Variants in PRKCA observed in about 807,000 individuals in gnomAD.
PRKCA encodes protein kinase C alpha.
Under a neutral mutation model 87.0 loss-of-function variants are expected in PRKCA, and 27 were observed. The ratio of observed to expected loss-of-function variants is 0.31; its 90% CI spans 0.23 to 0.43. The LOEUF is 0.43. PRKCA is among the 20% of genes least tolerant of loss of function. The pLI, the probability that PRKCA is intolerant of heterozygous loss-of-function variation, is 1.00. For missense variants in PRKCA, 518 were observed against 852.3 expected, an observed-to-expected ratio of 0.61 and a Z score of 4.88; for synonymous variants, 329 against 311.1, an observed-to-expected ratio of 1.06 and a Z score of -0.61.
intron 16 of PRKCA, 146 bp downstream of exon 16, chr17:66,789,125 C>T (rs1046927734): frequency 3.0e-6 from 3 of 1,015,520 alleles, no homozygotes; most frequent in African/African-American, 1.6e-5. Flanking sequence ...GCCTTGTCCT[C>T]AGTCCTGTGG....
At chr17:66,377,719 ATAT>A (rs1377010859) in intron 2 of PRKCA, among the ~76,000 whole-genome samples, 543 of 37,154 alleles carry the variant, frequency 0.015, 3 homozygotes, top group African/African-American at 0.031. Context: ...ATATATATAT[ATAT>A]TTTTTTTTTT....
chr17:66,675,722 C>T (rs1467324899), intron 5 of PRKCA, among the ~76,000 whole-genome samples: 5 of 152,182 alleles, frequency 3.3e-5, no homozygotes, highest in African/African-American at 4.8e-5. Context: ...AGGAGTGACA[C>T]TTGGGAGCTA....
intron 3 of PRKCA, among the ~76,000 whole-genome samples, chr17:66,618,765 G>A (rs1200201408): frequency 1.3e-5 from 2 of 152,156 alleles, no homozygotes; most frequent in Non-Finnish European, 2.9e-5. Flanking sequence ...ATTCTGCAGG[G>A]TTAGGCTGGG....
intron 3 of PRKCA, among the ~76,000 whole-genome samples, chr17:66,589,793 A>G (rs1969740485): frequency 6.6e-6 from 1 of 152,136 alleles, no homozygotes; most frequent in Non-Finnish European, 1.5e-5. Flanking sequence ...GCAGTCTTCA[A>G]CCTTTTTGGT....
At chr17:66,422,142 A>G (rs1912531312) in intron 2 of PRKCA, among the ~76,000 whole-genome samples, 1 of 152,076 alleles carries the variant, frequency 6.6e-6, no homozygotes, top group African/African-American at 2.4e-5. Context: ...GCCCACCTTA[A>G]TGACCTCATA....
At chr17:66,621,914 A>G (rs1970692949) in intron 3 of PRKCA, among the ~76,000 whole-genome samples, 1 of 152,230 alleles carries the variant, frequency 6.6e-6, no homozygotes, top group Admixed American at 6.5e-5. Flanking sequence ...TTTAAAAATA[A>G]GTTGAGGCTG....
chr17:66,696,408 G>A (rs575035208), intron 8 of PRKCA: 6 of 152,302 alleles, frequency 3.9e-5, no homozygotes, highest in African/African-American at 1.4e-4. Flanking sequence ...TCTGACCTTT[G>A]TTTTCCTTGT....
rs7209033 is a variant in PRKCA, at chr17:66,381,175, C to T, written c.205+75048C>T. ...TGGGCTGGTCTCAAACTCTTGGCCT[C>T]AAGCAGTCCCCCTGCCTCGGCCTCC... is the stretch of plus-strand genomic sequence containing the variant. On this transcript the variant is annotated intron_variant, in intron 2 of 16. Coordinates refer to ENST00000413366, the MANE Select transcript of PRKCA (RefSeq NM_002737.3). Among the ~76,000 whole-genome samples the T allele has an allele frequency of 7.0e-3, 1,068 of 152,204 alleles. 19 individuals are homozygous for T. The highest frequency in any genetic ancestry group is 0.025 in the African/African-American group (1,026 of 41,498).
rs370040105 is a variant in PRKCA at position 66,691,467 on chromosome 17, T to C, written c.918+2420T>C. Reference sequence around the variant, plus strand: ...GGTTTGGGGCAGGTTCAAATGTCTATGCCAGGCATAGCTCCTTTTCAATTT... The same window carrying C: ...GGTTTGGGGCAGGTTCAAATGTCTACGCCAGGCATAGCTCCTTTTCAATTT... On this transcript the variant is annotated intron_variant, in intron 8 of 16. Coordinates refer to ENST00000413366, the MANE Select transcript of PRKCA (RefSeq NM_002737.3). Among the ~76,000 whole-genome samples the C allele has an allele frequency of 5.3e-5, 8 of 152,202 alleles. No homozygotes were observed. In the East Asian group the frequency reaches 5.8e-4, roughly 11 times the overall value.
chr17:66,671,542 T>TA (rs1972184150), intron 5 of PRKCA, among the ~76,000 whole-genome samples: 1 of 152,156 alleles, frequency 6.6e-6, no homozygotes, highest in Non-Finnish European at 1.5e-5. Context: ...GAGGATAAGG[T>TA]AACAGATTAA....
At position 66,585,434 on chromosome 17, in the gene PRKCA, C is replaced by T. The variant is rs377619803; in HGVS notation, c.289-55921C>T. On this transcript the variant is annotated intron_variant, in intron 3 of 16. Coordinates refer to ENST00000413366, the MANE Select transcript of PRKCA (RefSeq NM_002737.3). The stretch of plus-strand genomic sequence containing the variant: ...TAGAAAAGAAATGATCTGGGGGCTG[C>T]TTTTTGTTAAAACAGAAACCTTGCT... Among the ~76,000 whole-genome samples the T allele has an allele frequency of 6.8e-4, 103 of 152,322 alleles. 1 individual carries two copies. The highest frequency in any genetic ancestry group is 2.4e-3 in the African/African-American group (101 of 41,586).
intron 3 of PRKCA, among the ~76,000 whole-genome samples, chr17:66,637,960 G>A (rs1223489606): frequency 6.6e-6 from 1 of 152,094 alleles, no homozygotes; most frequent in African/African-American, 2.4e-5. Flanking sequence ...GACCCAAATA[G>A]TAAATATTTT....
chr17:66,797,462 CG>C (rs1314572224), intron 16 of PRKCA, among the ~76,000 whole-genome samples: 1 of 152,202 alleles, frequency 6.6e-6, no homozygotes, highest in African/African-American at 2.4e-5. Flanking sequence ...AACGTTCCTT[CG>C]TCCCTCAGAG....
chr17:66,360,039 A>G (rs1035929390), intron 2 of PRKCA, among the ~76,000 whole-genome samples: 27 of 152,226 alleles, frequency 1.8e-4, no homozygotes, highest in African/African-American at 6.5e-4. Context: ...TTTGAAGACA[A>G]TTAGATTCTG....
chr17:66,356,623 C>G (rs1908073877), intron 2 of PRKCA, among the ~76,000 whole-genome samples: 1 of 151,722 alleles, frequency 6.6e-6, no homozygotes, highest in Non-Finnish European at 1.5e-5. Flanking sequence ...GACTCCGTCT[C>G]AAAAAAACAA....
intron 13 of PRKCA, among the ~76,000 whole-genome samples, chr17:66,756,447 C>G (rs964006927): frequency 6.6e-6 from 1 of 152,070 alleles, no homozygotes; most frequent in African/African-American, 2.4e-5. Flanking sequence ...GCACACTTCC[C>G]CTCTCCACAC....
intron 2 of PRKCA, among the ~76,000 whole-genome samples, chr17:66,481,374 C>T (rs1915768478): frequency 1.3e-5 from 2 of 152,190 alleles, no homozygotes. Flanking sequence ...TGTGTGTCTA[C>T]ATTCCTGCCA....
chr17:66,661,821 G>A (rs1001605431), intron 5 of PRKCA, among the ~76,000 whole-genome samples: 1 of 152,204 alleles, frequency 6.6e-6, no homozygotes, highest in Non-Finnish European at 1.5e-5. Flanking sequence ...GCTCAGGAAG[G>A]TGGAGCTGTT....
At chr17:66,527,291 A>T (rs151262874) in intron 3 of PRKCA, among the ~76,000 whole-genome samples, 1 of 151,084 alleles carries the variant, frequency 6.6e-6, no homozygotes, top group East Asian at 2.0e-4. Flanking sequence ...TAAAATAGGT[A>T]AAATAGGAGG....
Sources: gnomAD v4.1 joint callset for allele counts (sites outside exome capture counted in the v4.1 genomes callset) on GRCh38, gnomAD v4.1.1 for gene constraint, MANE v1.5 for transcripts, NCBI Gene and HGNC (gene_info 2026-07-23, HGNC 2026-07-21) for gene names.